The following ARRB1 variants were observed in gnomAD, a reference collection of about 807,000 sequenced individuals.
ARRB1 encodes the protein arrestin beta 1.
In ARRB1, 21 loss-of-function variants were observed where a neutral mutation model predicts 56.8. The observed-to-expected ratio is 0.37, with a 90% CI of 0.26 to 0.53. The LOEUF is 0.53. Ranked by LOEUF, ARRB1 falls within the 20% of genes least tolerant of loss-of-function variation. The pLI is 0.88. For missense variants in ARRB1, 424 were observed against 553.7 expected (o/e 0.77, Z 2.35); for synonymous variants, 210 against 218.6 (o/e 0.96, Z 0.35).
At chr11:75,299,944 C>T (rs1380772483) in intron 1 of ARRB1, among the ~76,000 whole-genome samples, 2 of 152,096 alleles carry the variant, frequency 1.3e-5, no homozygotes, top group Non-Finnish European at 2.9e-5. Flanking sequence ...CAGTGGCTGA[C>T]GCCTGTAATC....
intron 4 of ARRB1, among the ~76,000 whole-genome samples, chr11:75,283,728 C>T (rs1946407020): frequency 6.6e-6 from 1 of 152,156 alleles, no homozygotes; most frequent in Non-Finnish European, 1.5e-5. Context: ...CCCCTCCCAC[C>T]TCTCCCCAGG....
intron 3 of ARRB1, among the ~76,000 whole-genome samples, chr11:75,285,324 G>A (rs974547700): frequency 2.0e-5 from 3 of 152,242 alleles, no homozygotes; most frequent in Non-Finnish European, 2.9e-5. Flanking sequence ...GCCCTTGGGG[G>A]CAGAGTCCAG....
chr11:75,325,646 T>C (rs1947419229), intron 1 of ARRB1, among the ~76,000 whole-genome samples: 1 of 152,070 alleles, frequency 6.6e-6, no homozygotes, highest in Non-Finnish European at 1.5e-5. Flanking sequence ...ATAAAATAAA[T>C]CTCAACAGGC....
At chr11:75,334,201 G>A (rs891069852) in intron 1 of ARRB1, among the ~76,000 whole-genome samples, 7 of 150,972 alleles carry the variant, frequency 4.6e-5, no homozygotes, top group African/African-American at 1.7e-4. Flanking sequence ...GTGGTGGCAT[G>A]TGCCTATTAT....
At chr11:75,344,808 A>T (rs913690515) in intron 1 of ARRB1, among the ~76,000 whole-genome samples, 2 of 152,170 alleles carry the variant, frequency 1.3e-5, no homozygotes, top group Non-Finnish European at 2.9e-5. Context: ...AGTTCAGTCC[A>T]GTTCGACAAG....
At chr11:75,306,973 C>A (rs1947048557) in intron 1 of ARRB1, among the ~76,000 whole-genome samples, 1 of 152,192 alleles carries the variant, frequency 6.6e-6, no homozygotes, top group South Asian at 2.1e-4. Flanking sequence ...TCCCTTCCAG[C>A]CTGGGGGAGC....
rs754515144 is a variant in ARRB1, at chr11:75,290,077, ATCCTGCCCAGGGGCAAGC to A, written c.21-56_21-39del. On this transcript the variant is annotated intron_variant, in intron 1 of 15. Coordinates refer to ENST00000420843, the MANE Select transcript of ARRB1 (RefSeq NM_004041.5). ...AGAGAGGTCAGGCCAGGGTTCGCGT[ATCCTGCCCAGGGGCAAGC>A]TCCTGCGGGCCACCTTGAGGCAGGA... The A allele has an allele frequency of 4.3e-6, 7 of 1,613,670 alleles. No homozygotes were observed. In the South Asian group the frequency reaches 7.7e-5, roughly 18 times the overall value.
At chr11:75,267,208 G>A (rs779877204) in intron 15 of ARRB1, among the ~76,000 whole-genome samples, 2 of 152,182 alleles carry the variant, frequency 1.3e-5, no homozygotes, top group African/African-American at 2.4e-5. Context: ...CCGGTGACTC[G>A]ATGGCCTTTG....
intron 1 of ARRB1, among the ~76,000 whole-genome samples, chr11:75,340,519 T>C (rs1947678065): frequency 6.6e-6 from 1 of 152,244 alleles, no homozygotes; most frequent in South Asian, 2.1e-4. Context: ...TCAGAGTCCC[T>C]GGCATATCTC....
At chr11:75,274,332 TC>T in intron 10 of ARRB1, 121 bp from the exon 11 acceptor site, 2 of 1,422,142 alleles carry the variant, frequency 1.4e-6, no homozygotes, top group Admixed American at 2.1e-5. Flanking sequence ...CCAACCTCTG[TC>T]CCCCAGACAC....
intron 1 of ARRB1, among the ~76,000 whole-genome samples, chr11:75,290,538 C>G (rs1245260014): frequency 6.6e-6 from 1 of 151,932 alleles, no homozygotes; most frequent in African/African-American, 2.4e-5. Flanking sequence ...CCTCCGGGGC[C>G]TGAAGTCCCT....
chr11:75,263,855 G>A lies in ARRB1; in HGVS notation c.*2308C>T, dbSNP rs562577346. The stretch of plus-strand genomic sequence containing the variant: ...CGTGATGTTGAGGTGCAGGAGGCTC[G>A]GGAAACCAGCCTGACAAACGTTTTC... On this transcript the variant is annotated 3_prime_UTR_variant, in exon 16 of 16. Coordinates refer to ENST00000420843, the MANE Select transcript of ARRB1 (RefSeq NM_004041.5). 1.3e-5 allele frequency among the ~76,000 whole-genome samples: 2 copies of A among 152,306 alleles called. No individual in the cohort carries two copies. Among genetic ancestry groups the A allele is most frequent in the East Asian group, 1.9e-4 (1 of 5,182 alleles).
chr11:75,336,381 C>A (rs1947603318), intron 1 of ARRB1, among the ~76,000 whole-genome samples: 1 of 152,160 alleles, frequency 6.6e-6, no homozygotes, highest in African/African-American at 2.4e-5. Context: ...CCACCCCTAC[C>A]TCCCACTGTC....
intron 1 of ARRB1, among the ~76,000 whole-genome samples, chr11:75,294,645 A>G (rs1476186754): frequency 2.6e-5 from 4 of 152,154 alleles, no homozygotes; most frequent in East Asian, 1.9e-4. Flanking sequence ...AATGGAATAG[A>G]CTAGAAAATA....
intron 1 of ARRB1, among the ~76,000 whole-genome samples, chr11:75,343,860 G>C (rs1298610689): frequency 6.6e-6 from 1 of 151,900 alleles, no homozygotes; most frequent in Non-Finnish European, 1.5e-5. Context: ...CTGTCGCCCA[G>C]GCTGGAGTGC....
intron 14 of ARRB1, 57 bp downstream of exon 14, chr11:75,268,830 AGG>A: frequency 6.4e-7 from 1 of 1,573,662 alleles, no homozygotes; most frequent in East Asian, 2.3e-5. Context: ...GGTGGGTTAC[AGG>A]GTCACGTGGC....
At chr11:75,278,507 G>A in intron 8 of ARRB1, 102 bp downstream of exon 8, 1 of 1,510,710 alleles carries the variant, frequency 6.6e-7, no homozygotes. Flanking sequence ...GGGGATAGAA[G>A]CTCCTACCTG....
intron 1 of ARRB1, among the ~76,000 whole-genome samples, chr11:75,298,266 A>C (rs1591941439): frequency 2.0e-5 from 3 of 151,570 alleles, no homozygotes; most frequent in Admixed American, 6.6e-5. Context: ...AAAGAAACCC[A>C]CTGAATGGAG....
chr11:75,313,004 CA>C (rs1049586966), intron 1 of ARRB1, among the ~76,000 whole-genome samples: 4 of 152,194 alleles, frequency 2.6e-5, no homozygotes, highest in African/African-American at 9.7e-5. Context: ...ACTAATACGA[CA>C]GACATTCTTA....
Sources: gnomAD v4.1 joint callset for allele counts (sites outside exome capture counted in the v4.1 genomes callset) on GRCh38, gnomAD v4.1.1 for gene constraint, MANE v1.5 for transcripts, NCBI Gene and HGNC (gene_info 2026-07-23, HGNC 2026-07-21) for gene names.